Variants in NAV3 observed in about 807,000 individuals in gnomAD.
NAV3 encodes pore membrane and/or filament interacting like protein 1.
In NAV3, 87 loss-of-function variants were observed where a neutral mutation model predicts 244.7. The observed-to-expected ratio is 0.36, with a 90% confidence interval of 0.30 to 0.42. The LOEUF is 0.42. Among genes scored for constraint, NAV3 ranks in the 20% least tolerant of loss-of-function variants. The probability of loss-of-function intolerance (pLI) is 1.00; values close to 1 mark genes in which losing one functional copy is unlikely to be tolerated. For missense variants in NAV3, 2,663 were observed against 2,893.3 expected, an observed-to-expected ratio of 0.92 and a Z score of 1.83; for synonymous variants, 1,126 against 1,042.2, an observed-to-expected ratio of 1.08 and a Z score of -1.55.
intron 5 of NAV3, among the ~76,000 whole-genome samples, chr12:77,978,531 T>G (rs1180388872): frequency 6.6e-6 from 1 of 152,086 alleles, no homozygotes; most frequent in Admixed American, 6.6e-5. Flanking sequence ...TAATCTTTTC[T>G]ACTAAAGACT....
intron 7 of NAV3, among the ~76,000 whole-genome samples, chr12:78,005,514 C>A (rs757167005): frequency 1.3e-5 from 2 of 152,164 alleles, no homozygotes. Context: ...CAATGCAGAA[C>A]CTCAGGGCCC....
chr12:77,656,618 T>A (rs1406898298), intron 2 of NAV3, among the ~76,000 whole-genome samples: 2 of 134,344 alleles, frequency 1.5e-5, no homozygotes, highest in East Asian at 2.0e-4. Flanking sequence ...CTAATAGACA[T>A]CTACAGAACT....
intron 4 of NAV3, 31 bp downstream of exon 4, chr12:77,966,332 A>G (rs1383293473): frequency 9.2e-6 from 14 of 1,522,576 alleles, no homozygotes; most frequent in Non-Finnish European, 1.2e-5. Flanking sequence ...ATTGTCACAA[A>G]TGGCATCAAT....
At chr12:78,122,616 A>G (rs1720375972) in intron 16 of NAV3, among the ~76,000 whole-genome samples, 188 bp downstream of exon 16, 1 of 152,236 alleles carries the variant, frequency 6.6e-6, no homozygotes, top group Non-Finnish European at 1.5e-5. Flanking sequence ...CATTAAAGGT[A>G]GGGTGAGTGG....
At chr12:77,726,637 T>A (rs1277051712) in intron 2 of NAV3, among the ~76,000 whole-genome samples, 1 of 151,954 alleles carries the variant, frequency 6.6e-6, no homozygotes, top group African/African-American at 2.4e-5. Context: ...TAAAGTGACA[T>A]GTTTGCTGGG....
rs1011842257 is a variant in NAV3 at position 77,662,217 on chromosome 12, A to ATATCTATC, written c.72+89953_72+89960dup. 3.0e-3 allele frequency among the ~76,000 whole-genome samples: 313 copies of ATATCTATC among 105,826 alleles called. 1 individual carries two copies. Among genetic ancestry groups the ATATCTATC allele is most frequent in the African/African-American group, 0.01 (293 of 29,276 alleles). The allele number at this position is 105,826 out of a possible 152,430, so 69.4% of individuals were successfully genotyped here. A position where few individuals can be genotyped will look rare whatever the true frequency, so the allele number is the denominator to read the frequency against. On this transcript the variant is annotated intron_variant, in intron 2 of 8. Transcript: ENST00000550042. The stretch of plus-strand genomic sequence containing the variant: ...ATATCTCACCTTATTATATATCTTC[A>ATATCTATC]TATCTATCTGTCTATCTATCTATCT...
At chr12:77,663,814 C>G (rs1435576349) in intron 2 of NAV3, among the ~76,000 whole-genome samples, 1 of 152,214 alleles carries the variant, frequency 6.6e-6, no homozygotes. Flanking sequence ...AGCCACCACT[C>G]CCAGCCAGCA....
At chr12:77,759,976 A>G (rs981698789) in intron 2 of NAV3, among the ~76,000 whole-genome samples, 1 of 152,070 alleles carries the variant, frequency 6.6e-6, no homozygotes, top group Non-Finnish European at 1.5e-5. Flanking sequence ...CTCTTTGTAT[A>G]TTAATACGTG....
intron 22 of NAV3, among the ~76,000 whole-genome samples, chr12:78,153,320 C>T (rs553149316): frequency 6.6e-6 from 1 of 152,076 alleles, no homozygotes; most frequent in African/African-American, 2.4e-5. Flanking sequence ...GCCTTCCCTC[C>T]CTTTTGTAAA....
Position 78,210,595 on chromosome 12 carries a change from G to A in NAV3, c.*78G>A. On this transcript the variant is annotated 3_prime_UTR_variant, in exon 40 of 40. Transcript: ENST00000397909. ...AGAAAGGTATTTTCACTAAACCACT[G>A]CCAGTATAAAAGCACCCTGTCAAGG... The A allele has an allele frequency of 6.5e-7, 1 of 1,535,680 alleles. No individual in the cohort carries two copies. Among genetic ancestry groups the A allele is most frequent in the Non-Finnish European group, 8.8e-7 (1 of 1,137,090 alleles).
At chr12:77,586,054 C>T (rs1179183246) in intron 2 of NAV3, among the ~76,000 whole-genome samples, 8 of 151,798 alleles carry the variant, frequency 5.3e-5, no homozygotes, top group Non-Finnish European at 5.9e-5. Flanking sequence ...CCCAGGTACT[C>T]GGGAGGCTGA....
intron 3 of NAV3, among the ~76,000 whole-genome samples, chr12:77,961,014 T>C (rs1459203565): frequency 1.4e-5 from 2 of 146,514 alleles, no homozygotes; most frequent in Non-Finnish European, 3.0e-5. Flanking sequence ...TGTATATATG[T>C]ATATGTTACA....
chr12:78,019,617 G>A (rs1437640674), intron 8 of NAV3, among the ~76,000 whole-genome samples: 1 of 152,122 alleles, frequency 6.6e-6, no homozygotes, highest in Non-Finnish European at 1.5e-5. Context: ...TTGGAGGGAA[G>A]GAATCAACTG....
At chr12:77,670,251 A>G (rs1221855651) in intron 2 of NAV3, among the ~76,000 whole-genome samples, 4 of 152,150 alleles carry the variant, frequency 2.6e-5, no homozygotes, top group Admixed American at 2.0e-4. Flanking sequence ...CCAGAAAGAT[A>G]TAGAAACTCT....
rs777952722 is a variant in NAV3 at position 78,190,027 on chromosome 12, G to C, written c.6099G>C (p.Leu2033=). ...TGGACAGTTTTGTTTTTGATACGCT[G>C]ATTCCTAAACCAATTACCCAAAGGT... ...NSLDSFVFDT[L]IPKPITQRYF... The change falls in exon 34 of 40, where the codon CTG becomes CTC. Residue 2033 remains leucine (L), a synonymous_variant. Coordinates refer to ENST00000397909, the MANE Select transcript of NAV3 (RefSeq NM_001024383.2). The C allele has an allele frequency of 3.1e-6, 5 of 1,612,922 alleles. No individual in the cohort carries two copies. Among genetic ancestry groups the C allele is most frequent in the Non-Finnish European group, 4.2e-6 (5 of 1,179,398 alleles).
chr12:78,119,924 T>G lies in NAV3; in HGVS notation c.3728T>G (p.Ile1243Ser). ...CAGCCAGGATCCAAGTATCCAGATA[T>G]TGCCTCACCCACATTTCGAAGGTAA... ...LRQPGSKYPDIASPTFRRLFG... is the reference protein window; with the variant it reads ...LRQPGSKYPDSASPTFRRLFG... Residue 1243 changes from isoleucine to serine, a missense_variant, in exon 15 of 40, where the codon ATT becomes AGT. Ile to Ser is a moderately radical substitution (Grantham distance 142). This residue lies in a region of NAV3 where 354 missense variants were observed against 413.0 expected (regional missense o/e 0.86). Coordinates refer to ENST00000397909, the MANE Select transcript of NAV3 (RefSeq NM_001024383.2). The G allele has an allele frequency of 6.2e-7, 1 of 1,612,784 alleles. No individual in the cohort carries two copies. The highest frequency in any genetic ancestry group is 8.5e-7 in the Non-Finnish European group (1 of 1,179,060).
chr12:77,646,578 C>T (rs1303486293), intron 2 of NAV3, among the ~76,000 whole-genome samples: 1 of 151,980 alleles, frequency 6.6e-6, no homozygotes, highest in African/African-American at 2.4e-5. Flanking sequence ...CTAGGCCTTA[C>T]CAAAAAGTAG....
intron 29 of NAV3, among the ~76,000 whole-genome samples, chr12:78,180,604 C>T (rs549366187): frequency 2.2e-4 from 33 of 152,026 alleles, no homozygotes; most frequent in African/African-American, 6.5e-4. Flanking sequence ...ACCAAGTCCT[C>T]ATGATTTAGT....
intron 2 of NAV3, among the ~76,000 whole-genome samples, chr12:77,583,179 C>T (rs1036338094): frequency 6.6e-6 from 1 of 152,180 alleles, no homozygotes; most frequent in African/African-American, 2.4e-5. Context: ...ATTCTGCCTG[C>T]TTTTCAAATT....
Sources: allele counts gnomAD v4.1 joint callset (sites outside exome capture counted in the v4.1 genomes callset), GRCh38; gene constraint gnomAD v4.1.1; regional missense constraint gnomAD v4.1.1; transcripts MANE v1.5; gene names NCBI Gene and HGNC (gene_info 2026-07-23, HGNC 2026-07-21).